The following RAB23 variants were observed in gnomAD, a reference collection of about 807,000 sequenced individuals.
RAB23 encodes the protein RAB23, member RAS oncogene family, also known as ras-related protein Rab-23.
In RAB23, 15 loss-of-function variants were observed where a neutral mutation model predicts 30.0. That is an observed-to-expected ratio of 0.50 (90% CI 0.33 to 0.77). The LOEUF is 0.77. Among genes scored for constraint, RAB23 ranks in the 30% least tolerant of loss-of-function variants. The pLI is 0.02. For missense variants in RAB23, 243 were observed against 275.4 expected (o/e 0.88, Z 0.83); for synonymous variants, 93 against 94.0 (o/e 0.99, Z 0.06).
chr6:57,214,639 G>T (rs925880509), intron 1 of RAB23, among the ~76,000 whole-genome samples: 3 of 152,148 alleles, frequency 2.0e-5, no homozygotes, highest in Non-Finnish European at 2.9e-5. Flanking sequence ...AGGAAACCTG[G>T]AGTTTTTATC....
In RAB23 at chr6:57,211,887, C is replaced by T. The variant is rs1460201727; in HGVS notation, c.-65-1442G>A. ...ATTTCAACTACTTTAACTGAAAATC[C>T]ATCTATACAACCACTACACCAAGGG... On this transcript the variant is annotated intron_variant, in intron 1 of 6. Coordinates refer to ENST00000468148, the MANE Select transcript of RAB23 (RefSeq NM_016277.5). 8.5e-5 allele frequency among the ~76,000 whole-genome samples: 13 copies of T among 152,158 alleles called. 1 individual carries two copies.
In RAB23 at chr6:57,190,351, G is replaced by A. The variant is rs1283335754; in HGVS notation, c.*110C>T. 1 of 1,267,890 alleles carries A rather than the reference G, an allele frequency of 7.9e-7. No individual in the cohort carries two copies. Among genetic ancestry groups the A allele is most frequent in the Non-Finnish European group, 1.1e-6 (1 of 873,514 alleles). 78.5% of individuals were successfully genotyped at this position (1,267,890 alleles called of 1,614,324 possible). A position where few individuals can be genotyped will look rare whatever the true frequency, so the allele number is the denominator to read the frequency against. On this transcript the variant is annotated 3_prime_UTR_variant, in exon 7 of 7. Coordinates refer to ENST00000468148, the MANE Select transcript of RAB23 (RefSeq NM_016277.5). ...AATATTTAAGTCTGTCACTTTCAGAGAGCCATTAGGAGCAAAGTCTGCTGA... is the reference window on the plus strand; with the variant it reads ...AATATTTAAGTCTGTCACTTTCAGAAAGCCATTAGGAGCAAAGTCTGCTGA...
At chr6:57,209,439 A>G (rs1399926209) in intron 2 of RAB23, among the ~76,000 whole-genome samples, 1 of 152,210 alleles carries the variant, frequency 6.6e-6, no homozygotes, top group Non-Finnish European at 1.5e-5. Flanking sequence ...TGCTCTTAAA[A>G]TATGTTCTAA....
chr6:57,213,264 C>T (rs1409668156), intron 1 of RAB23, among the ~76,000 whole-genome samples: 1 of 152,162 alleles, frequency 6.6e-6, no homozygotes, highest in Non-Finnish European at 1.5e-5. Flanking sequence ...CTGTGTGGCC[C>T]AGTTCCTAAC....
rs575648372 is a variant in RAB23 at position 57,187,313 on chromosome 6, T to C, written c.*3148A>G. ...ATCATCCAGTTAGCCAGGAGTTTGA[T>C]GACTGGATATTTCAGAGTCTACTGC... On this transcript the variant is annotated 3_prime_UTR_variant, in exon 7 of 7. Coordinates refer to ENST00000468148, the MANE Select transcript of RAB23 (RefSeq NM_016277.5). 27 of 152,336 alleles carry C rather than the reference T, an allele frequency of 1.8e-4. No homozygotes were observed. The South Asian group carries it at 5.6e-3, about 32-fold the overall frequency. The allele number at this position is 152,336 out of a possible 1,614,324, so 9.4% of individuals were successfully genotyped here. A position where few individuals can be genotyped will look rare whatever the true frequency, so the allele number is the denominator to read the frequency against.
intron 3 of RAB23, among the ~76,000 whole-genome samples, chr6:57,198,185 A>G (rs576156559): frequency 5.8e-4 from 88 of 152,326 alleles, no homozygotes; most frequent in African/African-American, 2.0e-3. Flanking sequence ...AAAACTGAAG[A>G]GATCACATTA....
chr6:57,193,975 T>C (rs1764933194), intron 5 of RAB23, 41 bp from the exon 6 acceptor site: 20 of 1,591,942 alleles, frequency 1.3e-5, no homozygotes, highest in Non-Finnish European at 1.5e-5. Context: ...GTCAATGATT[T>C]ATGCATGTAA....
chr6:57,217,251 T>C (rs1370550647), intron 1 of RAB23, among the ~76,000 whole-genome samples: 2 of 142,708 alleles, frequency 1.4e-5, no homozygotes, highest in Non-Finnish European at 3.1e-5. Context: ...AAAGTGAAAA[T>C]ACATGTGAAA....
intron 4 of RAB23, among the ~76,000 whole-genome samples, chr6:57,196,209 A>C (rs2127998526): frequency 6.6e-6 from 1 of 152,316 alleles, no homozygotes; most frequent in East Asian, 1.9e-4. Flanking sequence ...AGAATTCTAA[A>C]AGAGCCTTCA....
At chr6:57,194,672 C>A in intron 5 of RAB23, 98 bp downstream of exon 5, 2 of 907,362 alleles carry the variant, frequency 2.2e-6, no homozygotes, top group South Asian at 3.4e-5. Flanking sequence ...ACAAAAAAAT[C>A]TTGTTCTCGT....
Position 57,200,826 on chromosome 6 carries a change from T to C in RAB23, c.242-4220A>G, listed in dbSNP as rs368031245. Among the ~76,000 whole-genome samples, 6 of 152,256 alleles carry C rather than the reference T, an allele frequency of 3.9e-5. No homozygotes were observed. The South Asian group carries it at 8.3e-4, about 21-fold the overall frequency. ...AGCAGACAAAAAGCAGAGAGCTATA[T>C]TGGGAAGGAACTGTGCCTCTCCCAA... On this transcript the variant is annotated intron_variant, in intron 3 of 6. Coordinates refer to ENST00000468148, the MANE Select transcript of RAB23 (RefSeq NM_016277.5).
chr6:57,211,292 A>T (rs981855408), intron 1 of RAB23, among the ~76,000 whole-genome samples: 1 of 152,018 alleles, frequency 6.6e-6, no homozygotes, highest in Admixed American at 6.6e-5. Flanking sequence ...TGCCACTAAA[A>T]AAAATAAAAT....
rs1160279640 is a variant in RAB23, at chr6:57,188,834, T to C, written c.*1627A>G. The C allele has an allele frequency of 6.6e-6, 1 of 152,184 alleles. No homozygotes were observed. Among genetic ancestry groups the C allele is most frequent in the African/African-American group, 2.4e-5 (1 of 41,438 alleles). The allele number at this position is 152,184 out of a possible 1,614,324, so 9.4% of individuals were successfully genotyped here. Reference sequence around the variant, plus strand: ...CCATCTAAAATGGCAAAGAGAACATTTACTTTTGATCACTTAACAAGGACA... The same window carrying C: ...CCATCTAAAATGGCAAAGAGAACATCTACTTTTGATCACTTAACAAGGACA... On this transcript the variant is annotated 3_prime_UTR_variant, in exon 7 of 7. Transcript: ENST00000468148.
At chr6:57,213,081 C>G (rs1012578158) in intron 1 of RAB23, among the ~76,000 whole-genome samples, 3 of 152,050 alleles carry the variant, frequency 2.0e-5, no homozygotes, top group Non-Finnish European at 2.9e-5. Context: ...TGTTCTACCT[C>G]AAATCATCAG....
intron 1 of RAB23, 108 bp from the exon 2 acceptor site, chr6:57,210,553 A>C (rs1765615864): frequency 1.4e-6 from 1 of 714,550 alleles, no homozygotes; most frequent in East Asian, 2.7e-5. Flanking sequence ...TGTTTTCATA[A>C]CTGAGGTCCC....
At chr6:57,198,103 A>G (rs1271179866) in intron 3 of RAB23, among the ~76,000 whole-genome samples, 1 of 152,124 alleles carries the variant, frequency 6.6e-6, no homozygotes, top group Non-Finnish European at 1.5e-5. Flanking sequence ...CCAAATAATA[A>G]ATGAATAATG....
chr6:57,216,990 T>C (rs148142495), intron 1 of RAB23, among the ~76,000 whole-genome samples: 2 of 152,250 alleles, frequency 1.3e-5, no homozygotes. Flanking sequence ...GTTTTGTCAG[T>C]GGGGATCTTT....
intron 3 of RAB23, among the ~76,000 whole-genome samples, chr6:57,202,303 C>T (rs1027808958): frequency 3.9e-5 from 6 of 152,206 alleles, no homozygotes; most frequent in Admixed American, 3.3e-4. Flanking sequence ...TCCCTAAAAA[C>T]ACCTTTCCCC....
chr6:57,210,255 A>C lies in RAB23; in HGVS notation c.126T>G (p.Ile42Met), dbSNP rs1765602734. The change falls in exon 2 of 7, where the codon ATT becomes ATG. Residue 42 changes from isoleucine (I) to methionine (M), a missense_variant. Physicochemically the swap from Ile to Met is conservative, Grantham distance 10 (BLOSUM62 1). Coordinates refer to ENST00000468148, the MANE Select transcript of RAB23 (RefSeq NM_016277.5). ...TTTGTCGCTCCAAAAAATCAACTCC[A>C]ATGGTTTTCTTGTAGTCTTTTGTAA... ...GIFTKDYKKTIGVDFLERQIQ... is the reference protein window; with the variant it reads ...GIFTKDYKKTMGVDFLERQIQ... 1 of 1,614,078 alleles carries C rather than the reference A, an allele frequency of 6.2e-7. No individual in the cohort carries two copies. The highest frequency in any genetic ancestry group is 8.5e-7 in the Non-Finnish European group (1 of 1,179,962).
Sources: allele counts gnomAD v4.1 joint callset (sites outside exome capture counted in the v4.1 genomes callset), GRCh38; gene constraint gnomAD v4.1.1; transcripts MANE v1.5; gene names NCBI Gene and HGNC (gene_info 2026-07-23, HGNC 2026-07-21).